CCDC141: variants seen among roughly 807,000 people sequenced by gnomAD.
CCDC141 encodes coiled-coil domain containing 141.
Under a neutral mutation model 181.0 loss-of-function variants are expected in CCDC141, and 168 were observed. The ratio of observed to expected loss-of-function variants is 0.93; its 90% CI spans 0.82 to 1.05. The LOEUF (loss-of-function observed/expected upper bound fraction) is 1.05, where lower values mean the gene tolerates loss of function less well. Ranked by LOEUF, CCDC141 falls within the 50% of genes least tolerant of loss-of-function variation. The pLI is 0.00. For missense variants in CCDC141, 1,902 were observed against 1,788.5 expected (o/e 1.06, Z -1.14); for synonymous variants, 666 against 642.3 (o/e 1.04, Z -0.56).
At position 178,871,674 on chromosome 2, in the gene CCDC141, G is replaced by A. The variant is rs564933720; in HGVS notation, c.2080-122C>T. The stretch of plus-strand genomic sequence containing the variant: ...CAAACCCCATGAAAACACTCAGGAT[G>A]TGGCATGAGCTCAGGGTTCTAAACC... On this transcript the variant is annotated intron_variant, in intron 13 of 23. Transcript: ENST00000443758. 5.4e-6 allele frequency: 6 copies of A among 1,120,572 alleles called. No individual in the cohort carries two copies. The East Asian group carries it at 1.2e-4, about 23-fold the overall frequency. The allele number at this position is 1,120,572 out of a possible 1,614,324, so 69.4% of individuals were successfully genotyped here.
chr2:178,823,146 G>T, the CCDC141 span, among the ~76,000 whole-genome samples: 65 of 149,098 alleles, frequency 4.4e-4, 1 homozygote, highest in Non-Finnish European at 8.9e-5. Flanking sequence ...ATTGGTGTAC[G>T]TTAATGGTGG....
At position 178,837,015 on chromosome 2, in the gene CCDC141, C is replaced by T; in HGVS notation, c.4204G>A (p.Val1402Ile). Residue 1402 changes from valine (V) to isoleucine (I), a missense_variant, in exon 23 of 24, where the codon GTC (valine) becomes ATC (isoleucine). Val to Ile is a conservative substitution (Grantham distance 29). Coordinates refer to ENST00000443758, the MANE Select transcript of CCDC141 (RefSeq NM_173648.4). ...IKSTSAKSSV[V>I]SLADQAPNFS... is the part of the protein sequence containing the mutation. Reference sequence around the variant, plus strand: ...TTAGGTGCCTGGTCAGCTAGGCTGACCACGCTGCTCTTTGCTGATGTGCTT... The same window carrying T: ...TTAGGTGCCTGGTCAGCTAGGCTGATCACGCTGCTCTTTGCTGATGTGCTT... 6.2e-7 allele frequency: 1 copy of T among 1,613,988 alleles called. No individual in the cohort carries two copies. Among genetic ancestry groups the T allele is most frequent in the Non-Finnish European group, 8.5e-7 (1 of 1,179,944 alleles).
In CCDC141 at chr2:178,837,413, G is replaced by T; in HGVS notation, c.3806C>A (p.Pro1269His). The T allele has an allele frequency of 6.2e-7, 1 of 1,614,108 alleles. No individual in the cohort carries two copies. The highest frequency in any genetic ancestry group is 1.3e-5 in the African/African-American group (1 of 75,048). ...ATTGCATGCATCCGCAAAGGCAACAGGTGGTGGAAGAACAGATTCCTGGGC... is the reference window on the plus strand; with the variant it reads ...ATTGCATGCATCCGCAAAGGCAACATGTGGTGGAAGAACAGATTCCTGGGC... Reference protein sequence around the residue: ...GDAQESVLPPPVAFADACNDK... With the variant: ...GDAQESVLPPHVAFADACNDK... The change falls in exon 23 of 24, where the codon CCT becomes CAT. Residue 1269 changes from proline to histidine, a missense_variant. Physicochemically the swap from Pro to His is moderately conservative, Grantham distance 77. Coordinates refer to ENST00000443758, the MANE Select transcript of CCDC141 (RefSeq NM_173648.4).
intron 2 of CCDC141, among the ~76,000 whole-genome samples, chr2:179,022,429 G>C (rs899280406): frequency 2.6e-5 from 4 of 152,086 alleles, no homozygotes; most frequent in African/African-American, 9.7e-5. Context: ...CTGTTCACAG[G>C]ATGAAGCCAA....
chr2:178,972,050 G>A (rs1345808685), intron 4 of CCDC141, among the ~76,000 whole-genome samples: 1 of 151,622 alleles, frequency 6.6e-6, no homozygotes, highest in Non-Finnish European at 1.5e-5. Flanking sequence ...TTCTGAACAT[G>A]TACCCCAGAA....
At chr2:179,041,284 G>A (rs1027984069) in intron 2 of CCDC141, among the ~76,000 whole-genome samples, 1 of 151,936 alleles carries the variant, frequency 6.6e-6, no homozygotes, top group African/African-American at 2.4e-5. Context: ...TAGAGACGGG[G>A]TTTCACCATG....
intron 2 of CCDC141, among the ~76,000 whole-genome samples, chr2:179,017,288 G>C (rs1442348948): frequency 1.3e-5 from 2 of 151,922 alleles, no homozygotes; most frequent in Non-Finnish European, 2.9e-5. Context: ...CTGTGTTAAG[G>C]AACCACACCA....
chr2:179,022,959 C>T (rs2042729467), intron 2 of CCDC141, among the ~76,000 whole-genome samples: 1 of 152,076 alleles, frequency 6.6e-6, no homozygotes, highest in South Asian at 2.1e-4. Context: ...CGCGTACCAT[C>T]CCTATGACTC....
intron 4 of CCDC141, among the ~76,000 whole-genome samples, chr2:178,969,422 C>T (rs112202790): frequency 3.3e-5 from 5 of 152,136 alleles, no homozygotes; most frequent in African/African-American, 1.2e-4. Context: ...AAAGCTTATC[C>T]ACCACGATCA....
At chr2:179,013,917 C>A (rs2042345221) in intron 2 of CCDC141, among the ~76,000 whole-genome samples, 1 of 126,274 alleles carries the variant, frequency 7.9e-6, no homozygotes. Flanking sequence ...GCCAAGATCA[C>A]ACCACTGCAC....
intron 6 of CCDC141, among the ~76,000 whole-genome samples, chr2:178,927,416 T>C (rs1430153646): frequency 6.6e-6 from 1 of 152,076 alleles, no homozygotes; most frequent in South Asian, 2.1e-4. Context: ...TATTGGGTCT[T>C]AAATACGTGC....
intron 17 of CCDC141, among the ~76,000 whole-genome samples, chr2:178,864,281 A>C (rs574771760): frequency 6.6e-6 from 1 of 152,312 alleles, no homozygotes; most frequent in African/African-American, 2.4e-5. Context: ...AAAGAAGATC[A>C]CTTTAAGGAA....
chr2:179,048,284 C>G (rs1448137904), intron 1 of CCDC141, among the ~76,000 whole-genome samples: 1 of 152,192 alleles, frequency 6.6e-6, no homozygotes, highest in Non-Finnish European at 1.5e-5. Flanking sequence ...CACACAGGCA[C>G]TTCCATTCCA....
intron 22 of CCDC141, among the ~76,000 whole-genome samples, chr2:178,839,495 T>G (rs562682487): frequency 8.5e-5 from 12 of 141,462 alleles, no homozygotes; most frequent in Admixed American, 3.0e-4. Flanking sequence ...GAGAATCTCT[T>G]GAACTCAGGC....
chr2:178,852,583 A>G (rs1385485802), intron 20 of CCDC141, among the ~76,000 whole-genome samples: 5 of 152,228 alleles, frequency 3.3e-5, no homozygotes, highest in Non-Finnish European at 7.3e-5. Flanking sequence ...TTTAAGTAGT[A>G]TACTACAAAA....
At position 178,942,904 on chromosome 2, in the gene CCDC141, C is replaced by CT. The variant is rs576853728; in HGVS notation, c.897+1630dup. On this transcript the variant is annotated intron_variant, in intron 6 of 23. Transcript: ENST00000443758. ...TATTGATGGAAAGAATATCTATATG[C>CT]TTTTTTGTTTATGGACATCAGAGGT... is the stretch of plus-strand genomic sequence containing the variant. Among the ~76,000 whole-genome samples the CT allele has an allele frequency of 1.6e-3, 247 of 152,146 alleles. 2 individuals are homozygous for CT. Among genetic ancestry groups the CT allele is most frequent in the Non-Finnish European group, 2.9e-3 (196 of 68,008 alleles).
chr2:178,819,410 C>T, the CCDC141 span, among the ~76,000 whole-genome samples: 1 of 152,116 alleles, frequency 6.6e-6, no homozygotes, highest in Non-Finnish European at 1.5e-5. Flanking sequence ...CCCAGGATAA[C>T]TAATCCATTT....
At chr2:178,984,582 A>G (rs1343952747) in intron 2 of CCDC141, among the ~76,000 whole-genome samples, 1 of 150,238 alleles carries the variant, frequency 6.7e-6, no homozygotes, top group Non-Finnish European at 1.5e-5. Context: ...TCTCACGTGC[A>G]GAGACACACA....
chr2:178,836,760 T>G (rs1374985228), intron 23 of CCDC141, 134 bp downstream of exon 23: 1 of 938,550 alleles, frequency 1.1e-6, no homozygotes, highest in Non-Finnish European at 1.6e-6. Flanking sequence ...GATGTGAGAT[T>G]GAATCATGCA....
Sources: gnomAD v4.1 joint callset for allele counts (sites outside exome capture counted in the v4.1 genomes callset) on GRCh38, gnomAD v4.1.1 for gene constraint, MANE v1.5 for transcripts, NCBI Gene and HGNC (gene_info 2026-07-23, HGNC 2026-07-21) for gene names.